Variants in LSM5 observed in about 807,000 individuals in gnomAD.
The protein encoded by LSM5 is U6 snRNA-associated Sm-like protein LSm5.
LSM5 carries 8 observed loss-of-function variants against 13.8 expected under a neutral mutation model. The observed-to-expected ratio is 0.58, with a 90% confidence interval of 0.34 to 1.04. The LOEUF is 1.04. Ranked by LOEUF, LSM5 falls within the 50% of genes least tolerant of loss-of-function variation. The pLI is 0.03. For missense variants in LSM5, 80 were observed against 108.1 expected (o/e 0.74, Z 1.15); for synonymous variants, 35 against 37.0 (o/e 0.95, Z 0.20).
chr7:32,489,546 G>T, intron 1 of LSM5: 1 of 507,672 alleles, frequency 2.0e-6, no homozygotes, highest in East Asian at 3.8e-5. Flanking sequence ...TGGCATGAAG[G>T]AATGAAAACT....
intron 4 of LSM5, 94 bp from the exon 5 acceptor site, chr7:32,487,387 T>A: frequency 1.0e-6 from 1 of 952,704 alleles, no homozygotes; most frequent in South Asian, 1.4e-5. Flanking sequence ...GCCTGTCCCC[T>A]GCACTCCACG....
Position 32,487,704 on chromosome 7 carries a change from T to G in LSM5, c.224A>C (p.Asn75Thr). ...TCTTACCATTGTTATATTATTTCCA[T>G]TTAGCAAAATCTGATCTAATTTAGT... Reference protein sequence around the residue: ...RITKLDQILLNGNNITMLVPG... With the variant: ...RITKLDQILLTGNNITMLVPG... Residue 75 changes from asparagine to threonine, a missense_variant, in exon 4 of 5, where the codon AAT becomes ACT. Asn to Thr is a moderately conservative substitution (Grantham distance 65). Coordinates refer to ENST00000450169, the MANE Select transcript of LSM5 (RefSeq NM_012322.3). 6.6e-7 allele frequency: 1 copy of G among 1,521,950 alleles called. No individual in the cohort carries two copies. Among genetic ancestry groups the G allele is most frequent in the Non-Finnish European group, 9.1e-7 (1 of 1,096,868 alleles). 94.3% of individuals were successfully genotyped at this position (1,521,950 alleles called of 1,614,324 possible). A position where few individuals can be genotyped will look rare whatever the true frequency, so the allele number is the denominator to read the frequency against.
At chr7:32,491,816 T>C (rs1252860116), upstream of LSM5, among the ~76,000 whole-genome samples, 1 of 152,244 alleles carries the variant, frequency 6.6e-6, no homozygotes. Context: ...TGGCTCAGAG[T>C]GAAGCTACAT....
At position 32,489,817 on chromosome 7, in the gene LSM5, T is replaced by A. The variant is rs191746711; in HGVS notation, c.47-473A>T. ...TGAAGGCAATGGCTATGGTTTATCA[T>A]TGAAAAATGCCCAGGCACGGTATCT... On this transcript the variant is annotated intron_variant, in intron 1 of 4. Coordinates refer to ENST00000450169, the MANE Select transcript of LSM5 (RefSeq NM_012322.3). Among the ~76,000 whole-genome samples, 303 of 152,306 alleles carry A rather than the reference T, an allele frequency of 2.0e-3. 1 individual carries two copies. Among genetic ancestry groups the A allele is most frequent in the African/African-American group, 6.9e-3 (286 of 41,566 alleles).
At position 32,485,932 on chromosome 7, in the gene LSM5, T is replaced by G. The variant is rs1786431199; in HGVS notation, c.*1329A>C. The stretch of plus-strand genomic sequence containing the variant: ...CCAAGATCATGCCACTGCATTCCAG[T>G]GAGACTCTCCAAAAAAAAAAAAAAA... On this transcript the variant is annotated 3_prime_UTR_variant, in exon 5 of 5. Coordinates refer to ENST00000450169, the MANE Select transcript of LSM5 (RefSeq NM_012322.3). The G allele has an allele frequency of 1.9e-5, 2 of 107,216 alleles. No homozygotes were observed. The highest frequency in any genetic ancestry group is 1.3e-4 in the Admixed American group (1 of 7,530). 6.6% of individuals were successfully genotyped at this position (107,216 alleles called of 1,614,324 possible). A position where few individuals can be genotyped will look rare whatever the true frequency, so the allele number is the denominator to read the frequency against.
At chr7:32,489,876 G>C (rs999154858) in intron 1 of LSM5, 2 of 399,948 alleles carry the variant, frequency 5.0e-6, no homozygotes, top group Non-Finnish European at 8.8e-6. Context: ...CTTATTGAAT[G>C]AATAAATAAC....
upstream of LSM5, among the ~76,000 whole-genome samples, chr7:32,492,280 C>G (rs1425369754): frequency 6.6e-6 from 1 of 152,180 alleles, no homozygotes; most frequent in Non-Finnish European, 1.5e-5. Context: ...AATCCCAACA[C>G]TTTGGGGGCC....
chr7:32,494,016 C>G (rs944099536), upstream of LSM5, among the ~76,000 whole-genome samples: 2 of 151,388 alleles, frequency 1.3e-5, no homozygotes, highest in African/African-American at 4.9e-5. Context: ...GTATTTTGTA[C>G]TAGAGAGGGG....
chr7:32,489,214 A>G (rs367893144), intron 2 of LSM5, 35 bp downstream of exon 2: 2 of 1,077,534 alleles, frequency 1.9e-6, no homozygotes, highest in African/African-American at 1.6e-5. Context: ...TTACTTAAGA[A>G]AAACCTATAC....
chr7:32,493,341 C>G (rs546177728), upstream of LSM5, among the ~76,000 whole-genome samples: 2 of 152,216 alleles, frequency 1.3e-5, no homozygotes, highest in East Asian at 3.9e-4. Flanking sequence ...TGGTCTCGAA[C>G]TCTTGGACTC....
rs1786418557 is a variant in LSM5, at chr7:32,485,559, C to T, written c.*1702G>A. 6.6e-6 allele frequency: 1 copy of T among 152,152 alleles called. No homozygotes were observed. The highest frequency in any genetic ancestry group is 2.1e-4 in the South Asian group (1 of 4,828). The allele number at this position is 152,152 out of a possible 1,614,324, so 9.4% of individuals were successfully genotyped here. A position where few individuals can be genotyped will look rare whatever the true frequency, so the allele number is the denominator to read the frequency against. ...TACAAATTAGTAAGAAAAAGACAAA[C>T]ATCTCAATGGCAAAAGCCTCAACAG... On this transcript the variant is annotated 3_prime_UTR_variant, in exon 5 of 5. Coordinates refer to ENST00000450169, the MANE Select transcript of LSM5 (RefSeq NM_012322.3).
At position 32,487,331 on chromosome 7, in the gene LSM5, C is replaced by A. The variant is rs369609865; in HGVS notation, c.244-38G>T. The stretch of plus-strand genomic sequence containing the variant: ...GAAAAAGAGTTTATTAATAACACTA[C>A]CACCATGTCATCTAAAAACCCCTTG... On this transcript the variant is annotated intron_variant, in intron 4 of 4. Coordinates refer to ENST00000450169, the MANE Select transcript of LSM5 (RefSeq NM_012322.3). 5 of 1,585,462 alleles carry A rather than the reference C, an allele frequency of 3.2e-6. No homozygotes were observed. The African/African-American group carries it at 4.0e-5, about 13-fold the overall frequency.
chr7:32,492,536 A>C (rs199698464), upstream of LSM5, among the ~76,000 whole-genome samples: 37 of 46,014 alleles, frequency 8.0e-4, no homozygotes, highest in East Asian at 1.7e-3. Context: ...ACAACAACAA[A>C]AAAAAAACAG....
upstream of LSM5, chr7:32,490,608 G>A: frequency 1.8e-6 from 1 of 553,360 alleles, no homozygotes; most frequent in Non-Finnish European, 3.4e-6. Flanking sequence ...GTTTTGGAGA[G>A]ACGTTGAAGA....
chr7:32,488,604 C>T (rs574297033), intron 3 of LSM5, 21 bp downstream of exon 3: 1 of 1,557,722 alleles, frequency 6.4e-7, no homozygotes, highest in Admixed American at 1.7e-5. Flanking sequence ...AGATTCCCCC[C>T]AATTCTTTAA....
chr7:32,491,545 C>T (rs553850510), upstream of LSM5, among the ~76,000 whole-genome samples: 30 of 152,210 alleles, frequency 2.0e-4, no homozygotes, highest in Admixed American at 6.5e-4. Flanking sequence ...CAGTAGTTTA[C>T]GTGATTAAAT....
chr7:32,491,924 C>G, upstream of LSM5, among the ~76,000 whole-genome samples: 1 of 130,308 alleles, frequency 7.7e-6, no homozygotes, highest in African/African-American at 2.8e-5. Flanking sequence ...ACACTGTGCA[C>G]ACTACATTTT....
intron 2 of LSM5, 122 bp downstream of exon 2, chr7:32,489,127 T>C (rs1786514343): frequency 3.3e-6 from 2 of 603,750 alleles, no homozygotes; most frequent in Non-Finnish European, 5.9e-6. Flanking sequence ...TAAAACATTA[T>C]CATAAGTTCC....
At chr7:32,490,553 A>G (rs969731076), upstream of LSM5, 1 of 609,024 alleles carries the variant, frequency 1.6e-6, no homozygotes, top group African/African-American at 1.9e-5. Flanking sequence ...TTTCCTGCCC[A>G]CTGGACATTT....
Sources: gnomAD v4.1 joint callset for allele counts (sites outside exome capture counted in the v4.1 genomes callset) on GRCh38, gnomAD v4.1.1 for gene constraint, MANE v1.5 for transcripts, NCBI Gene and HGNC (gene_info 2026-07-23, HGNC 2026-07-21) for gene names.